The following EPCAM variants were observed in gnomAD, a reference collection of about 807,000 sequenced individuals.
EPCAM encodes the protein adenocarcinoma-associated antigen.
Under a neutral mutation model 40.0 loss-of-function variants are expected in EPCAM, and 39 were observed. That is an observed-to-expected ratio of 0.98 (90% CI 0.76 to 1.27). The LOEUF is 1.27. Among genes scored for constraint, EPCAM ranks in the 50% most tolerant of loss-of-function variants. The pLI, the probability that EPCAM is intolerant of heterozygous loss-of-function variation, is 0.00. For missense variants in EPCAM, 503 were observed against 381.2 expected (o/e 1.32, Z -2.66); for synonymous variants, 168 against 132.3 (o/e 1.27, Z -1.85).
In EPCAM at chr2:47,369,491, C is replaced by CGGCGCGCGCGCAGCAT; in HGVS notation, c.-9_7dup. The CGGCGCGCGCGCAGCAT allele has an allele frequency of 2.6e-6, 4 of 1,526,716 alleles. No homozygotes were observed. Among genetic ancestry groups the CGGCGCGCGCGCAGCAT allele is most frequent in the South Asian group, 1.2e-5 (1 of 81,974 alleles). The allele number at this position is 1,526,716 out of a possible 1,614,324, so 94.6% of individuals were successfully genotyped here. A position where few individuals can be genotyped will look rare whatever the true frequency, so the allele number is the denominator to read the frequency against. ...CGGGCCCCTCCCGCGCCCCTCTTCT[C>CGGCGCGCGCGCAGCAT]GGCGCGCGCGCAGCATGGCGCCCCC... is the stretch of plus-strand genomic sequence containing the variant. On this transcript the variant is annotated 5_prime_UTR_variant, in exon 1 of 9. The change creates a new upstream start codon in the 5' untranslated region. Coordinates refer to ENST00000263735, the MANE Select transcript of EPCAM (RefSeq NM_002354.3).
At chr2:47,372,958 C>T (rs1350554261) in intron 1 of EPCAM, among the ~76,000 whole-genome samples, 3 of 151,912 alleles carry the variant, frequency 2.0e-5, no homozygotes, top group African/African-American at 7.3e-5. Flanking sequence ...GTAATCCCAG[C>T]ACTTTGGGAG....
In EPCAM at chr2:47,377,481, T is replaced by C. The variant is rs148775738; in HGVS notation, c.555+404T>C. 9.6e-3 allele frequency among the ~76,000 whole-genome samples: 1,465 copies of C among 152,102 alleles called. 26 individuals carry two copies. Among genetic ancestry groups the C allele is most frequent in the African/African-American group, 0.032 (1,313 of 41,512 alleles). The stretch of plus-strand genomic sequence containing the variant: ...CGAACTCCTGGCCTCAAGTGATCTG[T>C]CTGCCTCAGCCTCTCAAAGTGTTGG... On this transcript the variant is annotated intron_variant, in intron 5 of 8. Coordinates refer to ENST00000263735, the MANE Select transcript of EPCAM (RefSeq NM_002354.3).
chr2:47,383,095 A>T (rs1671635952), intron 7 of EPCAM: 1 of 151,870 alleles, frequency 6.6e-6, no homozygotes, highest in African/African-American at 2.4e-5. Flanking sequence ...TCACGAGGTC[A>T]GGAGATCGAG....
At chr2:47,386,258 GA>G (rs952567103) in intron 8 of EPCAM, among the ~76,000 whole-genome samples, 8 of 152,108 alleles carry the variant, frequency 5.3e-5, no homozygotes, top group Admixed American at 6.6e-5. Flanking sequence ...ATTGATAATA[GA>G]AAGTAAATCA....
At chr2:47,382,033 G>T (rs1054302681) in intron 7 of EPCAM, among the ~76,000 whole-genome samples, 2 of 152,034 alleles carry the variant, frequency 1.3e-5, no homozygotes, top group Non-Finnish European at 2.9e-5. Context: ...CTCCCAAACT[G>T]CTGGGATTAC....
rs116677246 is a variant in EPCAM, at chr2:47,385,401, C to A, written c.903+191C>A. On this transcript the variant is annotated intron_variant, in intron 8 of 8. Coordinates refer to ENST00000263735, the MANE Select transcript of EPCAM (RefSeq NM_002354.3). ...TTGCGTGAGTTCCATGGCAGATCAC[C>A]ATCTGTTTTCTGCCTCATAGAAGAG... Among the ~76,000 whole-genome samples, 634 of 152,246 alleles carry A rather than the reference C, an allele frequency of 4.2e-3. 9 individuals are homozygous for A. Among genetic ancestry groups the A allele is most frequent in the African/African-American group, 0.015 (607 of 41,566 alleles).
chr2:47,382,991 T>A (rs1225941960), intron 7 of EPCAM, among the ~76,000 whole-genome samples: 1 of 151,676 alleles, frequency 6.6e-6, no homozygotes, highest in Non-Finnish European at 1.5e-5. Context: ...CTGTTAAATT[T>A]CTTTCTTTTT....
intron 1 of EPCAM, among the ~76,000 whole-genome samples, chr2:47,371,848 C>A (rs900275057): frequency 1.3e-5 from 2 of 152,134 alleles, no homozygotes; most frequent in Admixed American, 1.3e-4. Flanking sequence ...ATAACTTGAA[C>A]AGGGAAAAAT....
chr2:47,373,765 A>T (rs1671346762), intron 2 of EPCAM, 43 bp from the exon 3 acceptor site: 1 of 1,613,260 alleles, frequency 6.2e-7, no homozygotes, highest in Non-Finnish European at 8.5e-7. Context: ...CGTAATCATG[A>T]AATCAGTTAT....
At chr2:47,385,075 A>T (rs1671706968) in intron 7 of EPCAM, 91 bp from the exon 8 acceptor site, 1 of 998,350 alleles carries the variant, frequency 1.0e-6, no homozygotes, top group Admixed American at 1.8e-5. Flanking sequence ...TTTCAGATCA[A>T]AATTATGTCC....
intron 1 of EPCAM, among the ~76,000 whole-genome samples, chr2:47,372,220 A>G (rs536662411): frequency 1.4e-4 from 22 of 152,312 alleles, no homozygotes; most frequent in African/African-American, 5.1e-4. Flanking sequence ...TTGTTTAAAG[A>G]TTGAATATAT....
chr2:47,384,421 AT>A (rs975573981), intron 7 of EPCAM, among the ~76,000 whole-genome samples: 4 of 146,600 alleles, frequency 2.7e-5, no homozygotes, highest in African/African-American at 5.1e-5. Context: ...TTTTATTTTA[AT>A]TTTTTTTTAG....
intron 7 of EPCAM, among the ~76,000 whole-genome samples, chr2:47,382,528 A>G (rs1671621868): frequency 6.6e-6 from 1 of 152,132 alleles, no homozygotes; most frequent in Non-Finnish European, 1.5e-5. Context: ...CTCTACTAAA[A>G]ATACAAAATG....
intron 4 of EPCAM, among the ~76,000 whole-genome samples, chr2:47,375,790 G>C (rs113469173): frequency 0.053 from 7,972 of 150,324 alleles, 656 homozygotes; most frequent in African/African-American, 0.18. Context: ...ACTGCAACCT[G>C]CGCCTGCCGG....
chr2:47,380,904 C>T (rs750102957), intron 7 of EPCAM, among the ~76,000 whole-genome samples: 4 of 151,502 alleles, frequency 2.6e-5, no homozygotes, highest in Non-Finnish European at 5.9e-5. Flanking sequence ...GCCTGGCCAA[C>T]ATGGTGAAAC....
chr2:47,385,442 A>C (rs113731108), intron 8 of EPCAM, among the ~76,000 whole-genome samples: 1 of 152,160 alleles, frequency 6.6e-6, no homozygotes, highest in Non-Finnish European at 1.5e-5. Context: ...TGGGAAGCCT[A>C]TGGTTTTTAT....
chr2:47,374,813 A>G (rs752044842), intron 3 of EPCAM, among the ~76,000 whole-genome samples: 4 of 151,682 alleles, frequency 2.6e-5, no homozygotes, highest in South Asian at 2.1e-4. Context: ...TAATTTTTGT[A>G]TTTTAGTAGA....
rs1671498519 is a variant in EPCAM, at chr2:47,378,890, G to A, written c.556-63G>A. ...CTGAATATTCTGATTCTCAATTAAT[G>A]TTATTTTCAAATGATTTTGATTATA... is the stretch of plus-strand genomic sequence containing the variant. On this transcript the variant is annotated intron_variant, in intron 5 of 8. Transcript: ENST00000263735. The A allele has an allele frequency of 3.8e-6, 3 of 796,968 alleles. No homozygotes were observed. The East Asian group carries it at 8.0e-5, about 21-fold the overall frequency. 49.4% of individuals were successfully genotyped at this position (796,968 alleles called of 1,614,324 possible).
At chr2:47,373,231 A>AAAAAAAAAAAAC (rs1558434793) in intron 1 of EPCAM, among the ~76,000 whole-genome samples, 2 of 137,230 alleles carry the variant, frequency 1.5e-5, no homozygotes, top group Non-Finnish European at 3.3e-5. Context: ...AAAAAAAAAA[A>AAAAAAAAAAAAC]AAAACAGGAA....
Sources: gnomAD v4.1 joint callset for allele counts (sites outside exome capture counted in the v4.1 genomes callset) on GRCh38, gnomAD v4.1.1 for gene constraint, MANE v1.5 for transcripts, NCBI Gene and HGNC (gene_info 2026-07-23, HGNC 2026-07-21) for gene names.